CDK5RAP2: variants seen among roughly 807,000 people sequenced by gnomAD.
CDK5RAP2 encodes the protein CDK5 regulatory subunit-associated protein 2.
CDK5RAP2 carries 147 observed loss-of-function variants against 232.9 expected under a neutral mutation model. The ratio of observed to expected loss-of-function variants is 0.63; its 90% confidence interval spans 0.55 to 0.72. The LOEUF is 0.72. Ranked by LOEUF, CDK5RAP2 falls within the 30% of genes least tolerant of loss-of-function variation. The pLI is 0.00. For missense variants in CDK5RAP2, 2,195 were observed against 2,231.5 expected (o/e 0.98, Z 0.33); for synonymous variants, 833 against 833.7 (o/e 1.00, Z 0.01).
At chr9:120,541,652 G>C (rs2041638075) in intron 5 of CDK5RAP2, among the ~76,000 whole-genome samples, 1 of 152,154 alleles carries the variant, frequency 6.6e-6, no homozygotes, top group African/African-American at 2.4e-5. Flanking sequence ...TCACAGCAAG[G>C]CACAGCACAC....
At chr9:120,456,847 A>C (rs1340042614) in intron 20 of CDK5RAP2, among the ~76,000 whole-genome samples, 27 of 152,362 alleles carry the variant, frequency 1.8e-4, no homozygotes, top group South Asian at 1.2e-3. Context: ...GGCCATTATA[A>C]TATACTAAAG....
In CDK5RAP2 at chr9:120,389,736, C is replaced by T. The variant is rs1441947868; in HGVS notation, c.5625+5G>A. ...GCCTGCAGTGAAAAGACTCAAAGGGCATACCTCCAGGTTTCCTCTGGCCTT... is the reference window on the plus strand; with the variant it reads ...GCCTGCAGTGAAAAGACTCAAAGGGTATACCTCCAGGTTTCCTCTGGCCTT... On this transcript the variant is annotated splice_donor_5th_base_variant and intron_variant, in intron 37 of 37. Coordinates refer to ENST00000349780, the MANE Select transcript of CDK5RAP2 (RefSeq NM_018249.6). 5 of 1,613,940 alleles carry T rather than the reference C, an allele frequency of 3.1e-6. No individual in the cohort carries two copies. The African/African-American group carries it at 6.7e-5, about 22-fold the overall frequency.
chr9:120,458,612 T>C lies in CDK5RAP2; in HGVS notation c.2213A>G (p.Asp738Gly). The change falls in exon 20 of 38, where the codon GAC becomes GGC. Residue 738 changes from aspartate (D) to glycine (G), a missense_variant. By Grantham distance (94) the Asp-to-Gly change is moderately conservative (BLOSUM62 -1). Transcript: ENST00000349780. ...ATTTTTGCAGCCTCCTTTGGAAAGG[T>C]CTTTCATAATCTGCAAATAAAAGTA... is the stretch of plus-strand genomic sequence containing the variant. The part of the protein sequence containing the change: ...HLQQSNEIMK[D>G]LSKGGCKNGY... The C allele has an allele frequency of 1.9e-6, 3 of 1,614,054 alleles. No homozygotes were observed. The highest frequency in any genetic ancestry group is 8.5e-7 in the Non-Finnish European group (1 of 1,179,932).
intron 3 of CDK5RAP2, among the ~76,000 whole-genome samples, chr9:120,553,979 G>A (rs1270896825): frequency 2.6e-5 from 4 of 151,984 alleles, no homozygotes; most frequent in Non-Finnish European, 5.9e-5. Flanking sequence ...TAGTTAATAT[G>A]AATTATTAAA....
chr9:120,497,421 T>TTA (rs2039346773), intron 12 of CDK5RAP2, among the ~76,000 whole-genome samples: 2 of 23,298 alleles, frequency 8.6e-5, no homozygotes, highest in Non-Finnish European at 1.1e-4. Context: ...AAAATAAATT[T>TTA]AAAAAAAAAA....
chr9:120,401,861 G>A (rs2033047583), intron 34 of CDK5RAP2, among the ~76,000 whole-genome samples: 1 of 151,898 alleles, frequency 6.6e-6, no homozygotes, highest in Non-Finnish European at 1.5e-5. Context: ...GCAGGCGCCT[G>A]TAATCCCAGC....
intron 34 of CDK5RAP2, 24 bp downstream of exon 34, chr9:120,402,782 C>T (rs749431479): frequency 4.3e-6 from 7 of 1,613,112 alleles, no homozygotes; most frequent in African/African-American, 1.3e-5. Context: ...CAGCTTGTGC[C>T]CCCCAGCTCT....
At chr9:120,521,644 C>CTTTTTTTT (rs71266575) in intron 11 of CDK5RAP2, among the ~76,000 whole-genome samples, 13 of 125,730 alleles carry the variant, frequency 1.0e-4, no homozygotes, top group Non-Finnish European at 1.4e-4. Flanking sequence ...ACCTCTTTTT[C>CTTTTTTTT]TTTTTTTTTT....
At chr9:120,430,888 G>T (rs1449139888) in intron 25 of CDK5RAP2, among the ~76,000 whole-genome samples, 70 of 152,210 alleles carry the variant, frequency 4.6e-4, no homozygotes, top group African/African-American at 1.3e-3. Context: ...ATAGACTGGA[G>T]TAAGAAAATG....
intron 12 of CDK5RAP2, chr9:120,517,983 C>A: frequency 4.6e-6 from 1 of 215,826 alleles, no homozygotes; most frequent in Non-Finnish European, 9.8e-6. Flanking sequence ...GTAAAATAAT[C>A]TAAATGCCGT....
chr9:120,538,084 T>C (rs573853550), intron 6 of CDK5RAP2, among the ~76,000 whole-genome samples: 4 of 152,326 alleles, frequency 2.6e-5, no homozygotes, highest in East Asian at 3.9e-4. Context: ...AGAACCTTCA[T>C]GTGGTTCTAG....
chr9:120,545,628 ACTG>A lies in CDK5RAP2; in HGVS notation c.383+83_383+85del. ...GTCCTCAGAGTCCAGATGGAAACCAACTGTCTTAGAAAAGTGTACGGCTCTATT... is the reference window on the plus strand; with the variant it reads ...GTCCTCAGAGTCCAGATGGAAACCAATCTTAGAAAAGTGTACGGCTCTATT... On this transcript the variant is annotated intron_variant, in intron 5 of 37. Transcript: ENST00000349780. The A allele has an allele frequency of 5.0e-6, 5 of 1,004,302 alleles. No individual in the cohort carries two copies. The South Asian group carries it at 5.1e-5, about 10-fold the overall frequency. 62.2% of individuals were successfully genotyped at this position (1,004,302 alleles called of 1,614,324 possible). A position where few individuals can be genotyped will look rare whatever the true frequency, so the allele number is the denominator to read the frequency against.
In CDK5RAP2 at chr9:120,408,400, C is replaced by T. The variant is rs377338416; in HGVS notation, c.4673G>A (p.Arg1558Gln). The T allele has an allele frequency of 2.3e-5, 37 of 1,614,074 alleles. No homozygotes were observed. Among genetic ancestry groups the T allele is most frequent in the Non-Finnish European group, 2.7e-5 (32 of 1,180,052 alleles). The change falls in exon 31 of 38, where the codon CGA (arginine) becomes CAA (glutamine). Residue 1558 changes from arginine to glutamine, a missense_variant. Transcript: ENST00000349780. ...SQNDKLLQSL[R>Q]VELKAYEKLD... ...CTTCTCATACGCCTTCAGCTCCACT[C>T]GGAGAGACTGCAATAGCTTGTCATT...
At position 120,513,242 on chromosome 9, in the gene CDK5RAP2, C is replaced by T. The variant is rs558606002; in HGVS notation, c.1311+5185G>A. 1.5e-4 allele frequency among the ~76,000 whole-genome samples: 23 copies of T among 152,290 alleles called. No homozygotes were observed. In the South Asian group the frequency reaches 4.4e-3, roughly 29 times the overall value. The stretch of plus-strand genomic sequence containing the variant: ...TACATGTTAAGGAAAAGCCTTTTCC[C>T]ATCTTGTTTCCTGGCTTTCCCTCAG... On this transcript the variant is annotated intron_variant, in intron 12 of 37. Coordinates refer to ENST00000349780, the MANE Select transcript of CDK5RAP2 (RefSeq NM_018249.6).
chr9:120,413,333 A>G (rs2033965758), intron 28 of CDK5RAP2, among the ~76,000 whole-genome samples: 1 of 152,218 alleles, frequency 6.6e-6, no homozygotes, highest in South Asian at 2.1e-4. Flanking sequence ...GCTCTAACAC[A>G]TGAGAGGCCG....
At chr9:120,465,777 G>T (rs1012091365) in intron 18 of CDK5RAP2, among the ~76,000 whole-genome samples, 1 of 151,350 alleles carries the variant, frequency 6.6e-6, no homozygotes, top group Non-Finnish European at 1.5e-5. Context: ...ATTAAAAATG[G>T]CAAATCACTA....
intron 1 of CDK5RAP2, among the ~76,000 whole-genome samples, chr9:120,573,841 C>T (rs1294324361): frequency 6.6e-6 from 1 of 152,164 alleles, no homozygotes; most frequent in Non-Finnish European, 1.5e-5. Flanking sequence ...AGTCAATTTT[C>T]TAAACTGAAT....
Position 120,477,334 on chromosome 9 carries a change from A to G in CDK5RAP2, c.1727+16T>C, listed in dbSNP as rs1483386297. ...GTTCGCATTCACATGTGTGATGTCCAGACAGAAACGCTTACCTGTCTGATT... is the reference window on the plus strand; with the variant it reads ...GTTCGCATTCACATGTGTGATGTCCGGACAGAAACGCTTACCTGTCTGATT... On this transcript the variant is annotated intron_variant, in intron 15 of 37. Transcript: ENST00000349780. 7.5e-6 allele frequency: 12 copies of G among 1,590,174 alleles called. No individual in the cohort carries two copies. The highest frequency in any genetic ancestry group is 1.0e-5 in the Non-Finnish European group (12 of 1,159,348).
chr9:120,492,363 G>C lies in CDK5RAP2; in HGVS notation c.1312-886C>G, dbSNP rs113433627. Among the ~76,000 whole-genome samples the C allele has an allele frequency of 4.6e-3, 699 of 152,188 alleles. 4 individuals are homozygous for C. The highest frequency in any genetic ancestry group is 6.5e-3 in the Non-Finnish European group (443 of 67,988). ...GTGTGGCAGCAGCAGAGACCCAAGA[G>C]AAATAAGTATGGATAGCATACTGCC... On this transcript the variant is annotated intron_variant, in intron 12 of 37. Coordinates refer to ENST00000349780, the MANE Select transcript of CDK5RAP2 (RefSeq NM_018249.6).
Sources: allele counts gnomAD v4.1 joint callset (sites outside exome capture counted in the v4.1 genomes callset), GRCh38; gene constraint gnomAD v4.1.1; transcripts MANE v1.5; gene names NCBI Gene and HGNC (gene_info 2026-07-23, HGNC 2026-07-21).